The following CTNNA3 variants were observed in gnomAD, a reference collection of about 807,000 sequenced individuals.
The protein encoded by CTNNA3 is catenin alpha 3.
A neutral mutation model predicts 95.7 loss-of-function variants in CTNNA3; 76 were observed. The ratio of observed to expected loss-of-function variants is 0.79; its 90% CI spans 0.66 to 0.96. CTNNA3 has a LOEUF of 0.96. CTNNA3 is among the 40% of genes least tolerant of loss of function. The probability of loss-of-function intolerance (pLI) is 0.00; values close to 1 mark genes in which losing one functional copy is unlikely to be tolerated. For missense variants in CTNNA3, 1,191 were observed against 1,089.8 expected (o/e 1.09, Z -1.31); for synonymous variants, 431 against 374.4 (o/e 1.15, Z -1.74).
chr10:66,252,875 T>C (rs1272700670), intron 13 of CTNNA3, among the ~76,000 whole-genome samples: 1 of 152,196 alleles, frequency 6.6e-6, no homozygotes, highest in African/African-American at 2.4e-5. Context: ...GTTTTCATAT[T>C]TATTATCTTT....
chr10:67,368,897 C>G (rs58792425), intron 5 of CTNNA3, among the ~76,000 whole-genome samples: 1 of 152,070 alleles, frequency 6.6e-6, no homozygotes, highest in Non-Finnish European at 1.5e-5. Flanking sequence ...ACATTGCAGA[C>G]GGGCAAGAGA....
At chr10:67,412,946 C>G (rs1367416954) in intron 5 of CTNNA3, among the ~76,000 whole-genome samples, 2 of 151,848 alleles carry the variant, frequency 1.3e-5, no homozygotes, top group African/African-American at 4.8e-5. Flanking sequence ...AGCAACTACA[C>G]AAGAACCAGC....
chr10:66,011,232 T>C (rs1481540721), intron 15 of CTNNA3, among the ~76,000 whole-genome samples: 3 of 152,198 alleles, frequency 2.0e-5, no homozygotes, highest in African/African-American at 7.2e-5. Context: ...CTCCCTTTTC[T>C]CTTCCTCCCT....
In CTNNA3 at chr10:67,158,422, G is replaced by T. The variant is rs546088971; in HGVS notation, c.1047+21895C>A. Among the ~76,000 whole-genome samples, 12 of 152,192 alleles carry T rather than the reference G, an allele frequency of 7.9e-5. No homozygotes were observed. The South Asian group carries it at 2.5e-3, about 32-fold the overall frequency. ...AAACCGGTCAAGCTTTGACTATTCTGGCCTGGCAAAAAACTCAGATAAGAA... is the reference window on the plus strand; with the variant it reads ...AAACCGGTCAAGCTTTGACTATTCTTGCCTGGCAAAAAACTCAGATAAGAA... On this transcript the variant is annotated intron_variant, in intron 7 of 17. Coordinates refer to ENST00000433211, the MANE Select transcript of CTNNA3 (RefSeq NM_013266.4).
chr10:67,165,341 G>T (rs1234477339), intron 7 of CTNNA3, among the ~76,000 whole-genome samples: 1 of 152,096 alleles, frequency 6.6e-6, no homozygotes. Flanking sequence ...TTTGCCGAGG[G>T]TTAGGCACGG....
chr10:65,983,455 G>A (rs1300499540), intron 16 of CTNNA3, among the ~76,000 whole-genome samples: 1 of 151,394 alleles, frequency 6.6e-6, no homozygotes, highest in Non-Finnish European at 1.5e-5. Context: ...CTGCTAATAT[G>A]ATTAATTACA....
chr10:66,450,009 A>AC, intron 11 of CTNNA3, among the ~76,000 whole-genome samples: 1 of 127,782 alleles, frequency 7.8e-6, no homozygotes. Flanking sequence ...CTAAGTTCAT[A>AC]ATTTTTTTTG....
rs1215488473 is a variant in CTNNA3 at position 67,507,066 on chromosome 10, TA to T, written c.579+14775del. ...AAACCAGAAATAAAAGAGGAAACAT[TA>T]GAAGTGATACCACAGAAATACAAAG... On this transcript the variant is annotated intron_variant, in intron 5 of 17. Coordinates refer to ENST00000433211, the MANE Select transcript of CTNNA3 (RefSeq NM_013266.4). Among the ~76,000 whole-genome samples the T allele has an allele frequency of 4.6e-5, 7 of 152,210 alleles. No homozygotes were observed. The East Asian group carries it at 1.4e-3, about 29-fold the overall frequency.
chr10:66,446,443 G>A (rs368233649), intron 11 of CTNNA3, among the ~76,000 whole-genome samples: 14 of 151,812 alleles, frequency 9.2e-5, no homozygotes, highest in African/African-American at 2.7e-4. Context: ...CTGGCAAACC[G>A]AATCCAGCAG....
At chr10:67,555,337 C>A (rs1841200224) in intron 3 of CTNNA3, among the ~76,000 whole-genome samples, 1 of 152,124 alleles carries the variant, frequency 6.6e-6, no homozygotes. Context: ...CTATAAATTA[C>A]CTTGGGCAGT....
In CTNNA3 at chr10:66,024,085, A is replaced by ATTTTTTTTTTT. The variant is rs71474007; in HGVS notation, c.2160-35299_2160-35289dup. On this transcript the variant is annotated intron_variant, in intron 15 of 17. Coordinates refer to ENST00000433211, the MANE Select transcript of CTNNA3 (RefSeq NM_013266.4). ...TATCACAGAAACTTATACCATACAC[A>ATTTTTTTTTTT]TTTTTTTTTTTTTTTTTTTTTTGAG... is the stretch of plus-strand genomic sequence containing the variant. Among the ~76,000 whole-genome samples, 31 of 87,746 alleles carry ATTTTTTTTTTT rather than the reference A, an allele frequency of 3.5e-4. 1 individual carries two copies. The highest frequency in any genetic ancestry group is 7.1e-4 in the East Asian group (2 of 2,804). 57.6% of individuals were successfully genotyped at this position (87,746 alleles called of 152,430 possible).
chr10:66,916,954 C>T (rs1273119522), intron 7 of CTNNA3, among the ~76,000 whole-genome samples: 2 of 152,314 alleles, frequency 1.3e-5, no homozygotes, highest in African/African-American at 2.4e-5. Context: ...TGCTCTCCAA[C>T]GTCAACAACT....
intron 13 of CTNNA3, among the ~76,000 whole-genome samples, chr10:66,272,981 T>C (rs1050486798): frequency 6.6e-6 from 1 of 152,230 alleles, no homozygotes; most frequent in African/African-American, 2.4e-5. Context: ...CCTGTGGCTG[T>C]GACTTTTGAG....
chr10:66,275,044 A>G (rs2091362435), intron 13 of CTNNA3, among the ~76,000 whole-genome samples: 1 of 152,178 alleles, frequency 6.6e-6, no homozygotes, highest in African/African-American at 2.4e-5. Flanking sequence ...AGTTGCTACT[A>G]CATTGAAATA....
chr10:67,467,835 T>C (rs1384974900), intron 5 of CTNNA3, among the ~76,000 whole-genome samples: 1 of 151,776 alleles, frequency 6.6e-6, no homozygotes, highest in South Asian at 2.1e-4. Context: ...CTCAGCCTCC[T>C]GAGTATCTGA....
At chr10:66,914,367 T>C (rs1846376582) in intron 7 of CTNNA3, among the ~76,000 whole-genome samples, 1 of 151,984 alleles carries the variant, frequency 6.6e-6, no homozygotes, top group Non-Finnish European at 1.5e-5. Context: ...CCTGACCTCA[T>C]GATCTGCCCT....
At chr10:67,672,363 A>G (rs1289942468) in intron 1 of CTNNA3, among the ~76,000 whole-genome samples, 3 of 152,116 alleles carry the variant, frequency 2.0e-5, no homozygotes, top group Non-Finnish European at 2.9e-5. Context: ...CTTGAGTTTA[A>G]TTAGATCCCA....
intron 13 of CTNNA3, among the ~76,000 whole-genome samples, chr10:66,194,659 C>T (rs2086857645): frequency 6.6e-6 from 1 of 152,112 alleles, no homozygotes; most frequent in Non-Finnish European, 1.5e-5. Flanking sequence ...TTAAAACAGA[C>T]ATATGGAAAA....
At chr10:65,961,583 G>T (rs1045072110) in intron 17 of CTNNA3, among the ~76,000 whole-genome samples, 10 of 152,102 alleles carry the variant, frequency 6.6e-5, no homozygotes, top group Non-Finnish European at 1.2e-4. Context: ...GAATATGATA[G>T]AAACTGTTAG....
Sources: allele counts gnomAD v4.1 joint callset (sites outside exome capture counted in the v4.1 genomes callset), GRCh38; gene constraint gnomAD v4.1.1; transcripts MANE v1.5; gene names NCBI Gene and HGNC (gene_info 2026-07-23, HGNC 2026-07-21).